MUCL1: variants seen among roughly 807,000 people sequenced by gnomAD.
MUCL1 encodes mucin-like protein 1.
In MUCL1, 11 loss-of-function variants were observed where a neutral mutation model predicts 9.2. That is an observed-to-expected ratio of 1.19 (90% confidence interval 0.75 to 1.97). The LOEUF (loss-of-function observed/expected upper bound fraction) is 1.97. Among genes scored for constraint, MUCL1 ranks in the 30% most tolerant of loss-of-function variants. The pLI is 0.00. For synonymous variants in MUCL1, 48 were observed against 40.5 expected, an observed-to-expected ratio of 1.19 and a Z score of -0.71; for missense variants, 144 against 110.9, an observed-to-expected ratio of 1.30 and a Z score of -1.34.
exon 1 of MUCL1, chr12:54,830,715 T>A (rs1440358945): frequency 6.6e-6 from 1 of 152,286 alleles, no homozygotes; most frequent in African/African-American, 2.4e-5. Context: ...CACTTCAACC[T>A]CTCAGCTCCC....
At chr12:54,853,307 C>T (rs1868269946), upstream of MUCL1, among the ~76,000 whole-genome samples, 1 of 152,014 alleles carries the variant, frequency 6.6e-6, no homozygotes, top group Non-Finnish European at 1.5e-5. Context: ...CAGTTGGGTC[C>T]AGCACTTGAT....
chr12:54,832,002 T>C (rs1364335057), intron 1 of MUCL1, among the ~76,000 whole-genome samples: 1 of 152,148 alleles, frequency 6.6e-6, no homozygotes, highest in Non-Finnish European at 1.5e-5. Flanking sequence ...AAATAGGATA[T>C]ATCTTTGATA....
chr12:54,851,950 G>A (rs568962719), upstream of MUCL1, among the ~76,000 whole-genome samples: 1 of 152,052 alleles, frequency 6.6e-6, no homozygotes, highest in Non-Finnish European at 1.5e-5. Context: ...AACTTACAAG[G>A]GATGTGAAGG....
chr12:54,842,577 C>T (rs114101886), intron 1 of MUCL1, among the ~76,000 whole-genome samples: 302 of 152,180 alleles, frequency 2.0e-3, no homozygotes, highest in African/African-American at 6.8e-3. Flanking sequence ...TACACAAATA[C>T]GTACATTGTT....
chr12:54,850,912 G>A (rs191951906), upstream of MUCL1, among the ~76,000 whole-genome samples: 809 of 152,320 alleles, frequency 5.3e-3, 5 homozygotes, highest in Non-Finnish European at 9.3e-3. Context: ...GATGGCCAGT[G>A]ATGGTGAGCA....
chr12:54,849,285 T>A (rs980847887), intron 1 of MUCL1, among the ~76,000 whole-genome samples: 1 of 152,122 alleles, frequency 6.6e-6, no homozygotes, highest in African/African-American at 2.4e-5. Flanking sequence ...ATGATAGCAG[T>A]GTATGAAATA....
intron 1 of MUCL1, among the ~76,000 whole-genome samples, chr12:54,841,036 A>G (rs1270918807): frequency 1.3e-5 from 2 of 151,194 alleles, no homozygotes; most frequent in Admixed American, 1.3e-4. Flanking sequence ...CTCTGCCTCT[A>G]TGAGTTCAAT....
intron 1 of MUCL1, among the ~76,000 whole-genome samples, chr12:54,839,677 G>A (rs1456886915): frequency 1.3e-5 from 2 of 152,188 alleles, no homozygotes; most frequent in African/African-American, 2.4e-5. Flanking sequence ...GAATGCTGAT[G>A]TTCCATGTAG....
At chr12:54,838,802 T>C (rs1242690114), upstream of MUCL1, among the ~76,000 whole-genome samples, 1 of 152,094 alleles carries the variant, frequency 6.6e-6, no homozygotes, top group Non-Finnish European at 1.5e-5. Context: ...ATCTATCTCT[T>C]TAGAAAATTT....
At chr12:54,853,406 A>T (rs561252210), upstream of MUCL1, among the ~76,000 whole-genome samples, 1 of 152,226 alleles carries the variant, frequency 6.6e-6, no homozygotes, top group East Asian at 1.9e-4. Context: ...AGATTGATGG[A>T]ACTTGGGGCA....
At chr12:54,840,155 C>T (rs1056568166) in intron 1 of MUCL1, among the ~76,000 whole-genome samples, 2 of 152,106 alleles carry the variant, frequency 1.3e-5, no homozygotes, top group African/African-American at 4.8e-5. Context: ...GCAAGGAATC[C>T]AGTGATGTGA....
chr12:54,839,011 G>T (rs1214374375), upstream of MUCL1, among the ~76,000 whole-genome samples: 2 of 151,090 alleles, frequency 1.3e-5, no homozygotes, highest in African/African-American at 4.9e-5. Flanking sequence ...TTGTCATATT[G>T]CCAGAATTAT....
chr12:54,849,666 T>C (rs932088087), upstream of MUCL1, among the ~76,000 whole-genome samples: 2 of 152,054 alleles, frequency 1.3e-5, no homozygotes, highest in East Asian at 1.9e-4. Flanking sequence ...AAAATGTAGA[T>C]ATTAGAAAGA....
At chr12:54,851,082 T>G (rs535187007), upstream of MUCL1, among the ~76,000 whole-genome samples, 19 of 152,342 alleles carry the variant, frequency 1.2e-4, no homozygotes, top group South Asian at 3.7e-3. Flanking sequence ...ATGGAGAGAT[T>G]GCAAAAATTT....
intron 1 of MUCL1, among the ~76,000 whole-genome samples, chr12:54,839,888 G>A (rs1959201523): frequency 6.6e-6 from 1 of 152,154 alleles, no homozygotes; most frequent in Non-Finnish European, 1.5e-5. Flanking sequence ...TTGTGGCGGA[G>A]CTGCAGACTT....
chr12:54,840,295 C>T (rs961141398), intron 1 of MUCL1, among the ~76,000 whole-genome samples: 2 of 152,218 alleles, frequency 1.3e-5, no homozygotes, highest in Admixed American at 6.5e-5. Context: ...CAAATACCAG[C>T]TGCAGTAGTA....
upstream of MUCL1, among the ~76,000 whole-genome samples, chr12:54,854,190 A>C (rs111840574): frequency 9.5e-3 from 1,452 of 152,326 alleles, 26 homozygotes; most frequent in African/African-American, 0.032. Flanking sequence ...AGAGCACTGC[A>C]GATTTCAGGA....
At chr12:54,847,014 C>T (rs1959266073) in intron 1 of MUCL1, among the ~76,000 whole-genome samples, 1 of 152,142 alleles carries the variant, frequency 6.6e-6, no homozygotes, top group South Asian at 2.1e-4. Flanking sequence ...TGAGGTTCTG[C>T]CTTCCAAGAT....
At chr12:54,855,541 G>A (rs146082554) in intron 2 of MUCL1, 2 of 216,982 alleles carry the variant, frequency 9.2e-6, no homozygotes, top group Non-Finnish European at 1.9e-5. Flanking sequence ...AGAATTTGAA[G>A]TGATATGAAA....
Sources: gnomAD v4.1 joint callset for allele counts (sites outside exome capture counted in the v4.1 genomes callset) on GRCh38, gnomAD v4.1.1 for gene constraint, MANE v1.5 for transcripts, NCBI Gene and HGNC (gene_info 2026-07-23, HGNC 2026-07-21) for gene names.